Variants in CHRNA7 observed in about 807,000 individuals in gnomAD.
The protein encoded by CHRNA7 is neuronal acetylcholine receptor subunit alpha-7.
Under a neutral mutation model 48.0 loss-of-function variants are expected in CHRNA7, and 17 were observed. The ratio of observed to expected loss-of-function variants is 0.35; its 90% CI spans 0.24 to 0.53. The LOEUF is 0.53. Among genes scored for constraint, CHRNA7 ranks in the 20% least tolerant of loss-of-function variants. CHRNA7 has a pLI of 0.92. For missense variants in CHRNA7, 155 were observed against 577.7 expected (o/e 0.27, Z 7.50); for synonymous variants, 75 against 242.3 (o/e 0.31, Z 6.41).
intron 2 of CHRNA7, among the ~76,000 whole-genome samples, chr15:32,064,332 T>C (rs182057314): frequency 6.8e-4 from 103 of 152,290 alleles, no homozygotes; most frequent in African/African-American, 2.4e-3. Flanking sequence ...TTCTACTTCT[T>C]GCTTTTGCTT....
At chr15:32,100,758 G>A (rs896884964) in intron 2 of CHRNA7, 1 of 155,126 alleles carries the variant, frequency 6.4e-6, no homozygotes, top group Non-Finnish European at 1.5e-5. Context: ...AGAAGTTAGA[G>A]GTTGAGAGAA....
intron 9 of CHRNA7, chr15:32,166,372 G>T (rs2052144227): frequency 6.6e-6 from 1 of 152,216 alleles, no homozygotes; most frequent in South Asian, 2.1e-4. Context: ...ACCCTCCAAG[G>T]TCAGCAGACC....
intron 2 of CHRNA7, among the ~76,000 whole-genome samples, chr15:32,059,029 A>C (rs2049833424): frequency 6.6e-6 from 1 of 151,162 alleles, no homozygotes; most frequent in South Asian, 2.1e-4. Context: ...TTTGGGACAG[A>C]GTCTTACTCT....
intron 3 of CHRNA7, among the ~76,000 whole-genome samples, chr15:32,105,516 G>A (rs2050654290): frequency 2.0e-5 from 3 of 151,448 alleles, no homozygotes; most frequent in Admixed American, 1.3e-4. Context: ...AGGAGGAGGA[G>A]GAGGAAAAGA....
At chr15:32,127,316 G>A (rs566665470) in intron 4 of CHRNA7, among the ~76,000 whole-genome samples, 4 of 152,146 alleles carry the variant, frequency 2.6e-5, no homozygotes, top group South Asian at 2.1e-4. Flanking sequence ...GTTTCCATTC[G>A]TCTGGTATAA....
intron 2 of CHRNA7, among the ~76,000 whole-genome samples, chr15:32,069,189 G>A (rs2050014861): frequency 6.6e-6 from 1 of 152,196 alleles, no homozygotes; most frequent in Admixed American, 6.5e-5. Context: ...CTCACAGAAT[G>A]TGAGATAATA....
intron 4 of CHRNA7, among the ~76,000 whole-genome samples, chr15:32,113,510 T>C (rs1056627207): frequency 1.3e-5 from 2 of 152,176 alleles, no homozygotes; most frequent in African/African-American, 4.8e-5. Context: ...GTCTCCGTGT[T>C]AATTTTAGCT....
At chr15:32,162,240 C>CA (rs2051919744) in intron 8 of CHRNA7, 2 of 147,898 alleles carry the variant, frequency 1.4e-5, no homozygotes, top group Non-Finnish European at 3.0e-5. Flanking sequence ...CACTGGCGAT[C>CA]CACTCAACCG....
chr15:32,137,759 T>G (rs1414121779), intron 4 of CHRNA7, among the ~76,000 whole-genome samples: 2 of 152,244 alleles, frequency 1.3e-5, no homozygotes, highest in African/African-American at 4.8e-5. Flanking sequence ...TACGTGTGTG[T>G]GCACACATGC....
At chr15:32,138,006 G>A (rs988590345) in intron 4 of CHRNA7, among the ~76,000 whole-genome samples, 1 of 152,092 alleles carries the variant, frequency 6.6e-6, no homozygotes, top group Non-Finnish European at 1.5e-5. Flanking sequence ...GGGAAAATGT[G>A]TGAGATAATT....
At chr15:32,122,190 G>A (rs1235931468) in intron 4 of CHRNA7, among the ~76,000 whole-genome samples, 1 of 152,206 alleles carries the variant, frequency 6.6e-6, no homozygotes, top group Non-Finnish European at 1.5e-5. Context: ...TGAGGGACTA[G>A]TGGGGCCACT....
intron 2 of CHRNA7, among the ~76,000 whole-genome samples, chr15:32,098,148 A>G (rs1320958741): frequency 1.3e-5 from 2 of 152,210 alleles, no homozygotes; most frequent in African/African-American, 4.8e-5. Flanking sequence ...GTGGCCAAGT[A>G]CAAATCCCGA....
Position 32,030,933 on chromosome 15 carries a change from A to C in CHRNA7, c.91A>C (p.Lys31Gln). Reference protein sequence around the residue: ...LQGEFQRKLYKELVKNYNPLE... With the variant: ...LQGEFQRKLYQELVKNYNPLE... Reference sequence around the variant, plus strand: ...AGGCGAGTTCCAGAGGAAGCTTTACAAGGAGCTGGTCAAGAACTACAATCC... The same window carrying C: ...AGGCGAGTTCCAGAGGAAGCTTTACCAGGAGCTGGTCAAGAACTACAATCC... The change falls in exon 2 of 10, where the codon AAG becomes CAG. Residue 31 changes from lysine to glutamine, a missense_variant. Coordinates refer to ENST00000306901, the MANE Select transcript of CHRNA7 (RefSeq NM_000746.6). The C allele has an allele frequency of 6.2e-7, 1 of 1,614,118 alleles. No individual in the cohort carries two copies. Among genetic ancestry groups the C allele is most frequent in the Non-Finnish European group, 8.5e-7 (1 of 1,180,004 alleles).
Position 32,030,516 on chromosome 15 carries a change from C to T in CHRNA7, c.-79C>T, listed in dbSNP as rs986291354. 8 of 1,310,818 alleles carry T rather than the reference C, an allele frequency of 6.1e-6. No individual in the cohort carries two copies. Among genetic ancestry groups the T allele is most frequent in the Non-Finnish European group, 7.8e-6 (8 of 1,029,818 alleles). 81.2% of individuals were successfully genotyped at this position (1,310,818 alleles called of 1,614,324 possible). A position where few individuals can be genotyped will look rare whatever the true frequency, so the allele number is the denominator to read the frequency against. On this transcript the variant is annotated 5_prime_UTR_variant, in exon 1 of 10. Coordinates refer to ENST00000306901, the MANE Select transcript of CHRNA7 (RefSeq NM_000746.6). ...GGCGCGCGAGCCGAGCGGCGAGGTG[C>T]CTCTGTGGCCGCAGGCGCAGGCCCG... is the stretch of plus-strand genomic sequence containing the variant.
At chr15:32,108,272 C>T (rs2050704576) in intron 3 of CHRNA7, among the ~76,000 whole-genome samples, 1 of 152,170 alleles carries the variant, frequency 6.6e-6, no homozygotes, top group South Asian at 2.1e-4. Flanking sequence ...CCCCTCACAA[C>T]TCCACACACT....
At chr15:32,091,698 T>C (rs763038932) in intron 2 of CHRNA7, among the ~76,000 whole-genome samples, 20 of 152,302 alleles carry the variant, frequency 1.3e-4, no homozygotes, top group Non-Finnish European at 2.4e-4. Flanking sequence ...ATCTTTTCTA[T>C]AGTCCCACTT....
intron 2 of CHRNA7, among the ~76,000 whole-genome samples, chr15:32,054,921 G>A (rs1438951127): frequency 6.6e-6 from 1 of 152,202 alleles, no homozygotes; most frequent in Non-Finnish European, 1.5e-5. Context: ...TAGATTGGCG[G>A]GGCCATAGGG....
intron 2 of CHRNA7, among the ~76,000 whole-genome samples, chr15:32,052,409 AGAG>A (rs1482397384): frequency 1.3e-5 from 2 of 152,102 alleles, no homozygotes; most frequent in Non-Finnish European, 2.9e-5. Flanking sequence ...GACAGTGGGG[AGAG>A]GAGAAGTTGG....
chr15:32,132,037 C>T (rs2051165784), intron 4 of CHRNA7, among the ~76,000 whole-genome samples: 1 of 152,194 alleles, frequency 6.6e-6, no homozygotes, highest in South Asian at 2.1e-4. Flanking sequence ...GACATCACCT[C>T]TTGCAAGTAT....
Sources: gnomAD v4.1 joint callset for allele counts (sites outside exome capture counted in the v4.1 genomes callset) on GRCh38, gnomAD v4.1.1 for gene constraint, MANE v1.5 for transcripts, NCBI Gene and HGNC (gene_info 2026-07-23, HGNC 2026-07-21) for gene names.